The following RAPGEF2 variants were observed in gnomAD, a reference collection of about 807,000 sequenced individuals.
RAPGEF2 encodes PDZ domain containing guanine nucleotide exchange factor (GEF) 1.
In RAPGEF2, 54 loss-of-function variants were observed where a neutral mutation model predicts 186.7. That is an observed-to-expected ratio of 0.29 (90% confidence interval 0.23 to 0.36). The LOEUF is 0.36. RAPGEF2 is among the 10% of genes least tolerant of loss of function. The probability of loss-of-function intolerance (pLI) is 1.00; values close to 1 mark genes in which losing one functional copy is unlikely to be tolerated. For synonymous variants in RAPGEF2, 712 were observed against 705.9 expected, an observed-to-expected ratio of 1.01 and a Z score of -0.14; for missense variants, 1,532 against 2,045.0, an observed-to-expected ratio of 0.75 and a Z score of 4.84.
At chr4:159,347,244 T>A (rs1310297680) in intron 25 of RAPGEF2, among the ~76,000 whole-genome samples, 1 of 152,174 alleles carries the variant, frequency 6.6e-6, no homozygotes, top group Non-Finnish European at 1.5e-5. Flanking sequence ...AATAGAGAAG[T>A]TATGTGTCTA....
intron 8 of RAPGEF2, among the ~76,000 whole-genome samples, chr4:159,309,759 C>T (rs1230962247): frequency 1.3e-5 from 2 of 151,948 alleles, no homozygotes; most frequent in African/African-American, 4.8e-5. Context: ...TTAGGCAAAC[C>T]GGAAATAGTT....
chr4:159,285,912 A>G (rs1760396928), intron 7 of RAPGEF2, among the ~76,000 whole-genome samples: 2 of 152,148 alleles, frequency 1.3e-5, no homozygotes, highest in African/African-American at 4.8e-5. Flanking sequence ...CAATTGGTTG[A>G]TTATAATTTT....
At chr4:159,265,987 A>C (rs953948392) in intron 7 of RAPGEF2, among the ~76,000 whole-genome samples, 2 of 152,214 alleles carry the variant, frequency 1.3e-5, no homozygotes, top group Non-Finnish European at 2.9e-5. Flanking sequence ...GGAATGGTGA[A>C]AACCAAAACA....
At chr4:159,135,348 G>C (rs907811663) in intron 1 of RAPGEF2, among the ~76,000 whole-genome samples, 1 of 151,246 alleles carries the variant, frequency 6.6e-6, no homozygotes, top group Non-Finnish European at 1.5e-5. Flanking sequence ...GCCTGGCCCA[G>C]TTCATTTCTT....
At chr4:159,269,491 A>G (rs1757839802) in intron 7 of RAPGEF2, among the ~76,000 whole-genome samples, 1 of 152,172 alleles carries the variant, frequency 6.6e-6, no homozygotes, top group South Asian at 2.1e-4. Context: ...AAGAAGTTCC[A>G]TTGTAGTTTG....
In RAPGEF2 at chr4:159,342,407, AG is replaced by A. The variant is rs1408985564; in HGVS notation, c.2918+461del. ...TTTTCTTCCCTTTTTTTAAGAGCTT[AG>A]ATTGAGGTTAGAAGAAAAAAAAATG... On this transcript the variant is annotated intron_variant, in intron 20 of 29. Coordinates refer to ENST00000691494, the MANE Select transcript of RAPGEF2 (RefSeq NM_001394067.2). Among the ~76,000 whole-genome samples, 10 of 151,836 alleles carry A rather than the reference AG, an allele frequency of 6.6e-5. No individual in the cohort carries two copies. In the East Asian group the frequency reaches 1.9e-3, roughly 29 times the overall value.
At position 159,103,116 on chromosome 4, in the gene RAPGEF2, A is replaced by T. The variant is rs1291247872; in HGVS notation, c.-1047A>T. The T allele has an allele frequency of 6.6e-6, 1 of 152,390 alleles. No homozygotes were observed. The highest frequency in any genetic ancestry group is 2.4e-5 in the African/African-American group (1 of 41,384). 9.4% of individuals were successfully genotyped at this position (152,390 alleles called of 1,614,324 possible). A position where few individuals can be genotyped will look rare whatever the true frequency, so the allele number is the denominator to read the frequency against. ...CGGCGGCCGGAGAAGGCGCAGGAGG[A>T]GGAAGAGGCGGAGGAAGAGGAGGGG... On this transcript the variant is annotated 5_prime_UTR_variant, in exon 1 of 30. Coordinates refer to ENST00000691494, the MANE Select transcript of RAPGEF2 (RefSeq NM_001394067.2).
At chr4:159,117,584 T>G (rs532476064) in intron 1 of RAPGEF2, among the ~76,000 whole-genome samples, 4 of 144,136 alleles carry the variant, frequency 2.8e-5, no homozygotes, top group Admixed American at 2.1e-4. Flanking sequence ...GATGGTTGGG[T>G]TTTTTTTTTT....
intron 1 of RAPGEF2, among the ~76,000 whole-genome samples, chr4:159,146,368 T>C (rs541659169): frequency 2.8e-4 from 43 of 152,000 alleles, no homozygotes; most frequent in South Asian, 1.0e-3. Flanking sequence ...TTTCTTTTTT[T>C]TTTTTTCTTT....
At chr4:159,234,988 A>G (rs1753082202) in intron 4 of RAPGEF2, among the ~76,000 whole-genome samples, 1 of 152,072 alleles carries the variant, frequency 6.6e-6, no homozygotes, top group Non-Finnish European at 1.5e-5. Flanking sequence ...TCGAACTCCT[A>G]ACCTCAAGTG....
intron 1 of RAPGEF2, 65 bp downstream of exon 1, chr4:159,104,296 T>A: frequency 1.6e-6 from 1 of 620,090 alleles, no homozygotes; most frequent in South Asian, 1.9e-5. Flanking sequence ...TCTTCCCCTG[T>A]CCCCCCACCT....
At chr4:159,295,771 G>GCA (rs1561230897) in intron 7 of RAPGEF2, among the ~76,000 whole-genome samples, 20 of 146,656 alleles carry the variant, frequency 1.4e-4, no homozygotes, top group Non-Finnish European at 2.4e-4. Flanking sequence ...GCGCGCGCGC[G>GCA]CGCATGCACA....
chr4:159,104,579 T>A (rs1179328156), intron 1 of RAPGEF2, among the ~76,000 whole-genome samples: 1 of 151,330 alleles, frequency 6.6e-6, no homozygotes, highest in Non-Finnish European at 1.5e-5. Flanking sequence ...TGTATGTGTG[T>A]GAATGTGTGA....
chr4:159,193,836 C>A (rs1390210319), intron 3 of RAPGEF2, among the ~76,000 whole-genome samples: 1 of 152,136 alleles, frequency 6.6e-6, no homozygotes, highest in Non-Finnish European at 1.5e-5. Flanking sequence ...TAATGTTTGC[C>A]ATGACTGTTG....
Position 159,273,626 on chromosome 4 carries a change from GT to G in RAPGEF2, c.543+29838del, listed in dbSNP as rs778233990. ...TTAGCCCTAGTAAGATCAGTAATCA[GT>G]TTCTTTCTTTCTTTCTTTCTTTCTT... is the stretch of plus-strand genomic sequence containing the variant. On this transcript the variant is annotated intron_variant, in intron 7 of 29. Transcript: ENST00000691494. Among the ~76,000 whole-genome samples, 33 of 100,820 alleles carry G rather than the reference GT, an allele frequency of 3.3e-4. No homozygotes were observed. In the South Asian group the frequency reaches 7.6e-3, roughly 23 times the overall value. 66.1% of individuals were successfully genotyped at this position (100,820 alleles called of 152,430 possible).
At chr4:159,114,047 G>A (rs183605510) in intron 1 of RAPGEF2, among the ~76,000 whole-genome samples, 4 of 151,994 alleles carry the variant, frequency 2.6e-5, no homozygotes, top group Admixed American at 1.3e-4. Flanking sequence ...GCCTCGTCCT[G>A]GGCTCAAGGA....
At position 159,342,971 on chromosome 4, in the gene RAPGEF2, C is replaced by T. The variant is rs1160742106; in HGVS notation, c.2919-8C>T. The T allele has an allele frequency of 6.2e-6, 10 of 1,612,368 alleles. No homozygotes were observed. The highest frequency in any genetic ancestry group is 8.5e-6 in the Non-Finnish European group (10 of 1,178,982). On this transcript the variant is annotated splice_polypyrimidine_tract_variant and splice_region_variant and intron_variant, in intron 20 of 29. Coordinates refer to ENST00000691494, the MANE Select transcript of RAPGEF2 (RefSeq NM_001394067.2). The stretch of plus-strand genomic sequence containing the variant: ...GTTGTTATACCATGTTTCTTTTTCT[C>T]CTCTCAGTGGCCTAAACCTGGCACC...
intron 8 of RAPGEF2, among the ~76,000 whole-genome samples, chr4:159,313,097 G>A (rs188978344): frequency 6.6e-6 from 1 of 152,070 alleles, no homozygotes; most frequent in African/African-American, 2.4e-5. Flanking sequence ...GCAGTGAGCC[G>A]AGATCGTGCC....
intron 1 of RAPGEF2, among the ~76,000 whole-genome samples, chr4:159,172,027 A>AT (rs1308368353): frequency 2.0e-5 from 3 of 152,164 alleles, no homozygotes; most frequent in Non-Finnish European, 4.4e-5. Flanking sequence ...TAATGACATT[A>AT]TAAAAAAAAG....
Sources: allele counts gnomAD v4.1 joint callset (sites outside exome capture counted in the v4.1 genomes callset), GRCh38; gene constraint gnomAD v4.1.1; transcripts MANE v1.5; gene names NCBI Gene and HGNC (gene_info 2026-07-23, HGNC 2026-07-21).